The following SLC5A11 variants were observed in gnomAD, a reference collection of about 807,000 sequenced individuals.
SLC5A11 encodes solute carrier family 5 member 11, also known as sodium/myo-inositol cotransporter 2.
A neutral mutation model predicts 69.8 loss-of-function variants in SLC5A11; 48 were observed. The observed-to-expected ratio is 0.69, with a 90% CI of 0.55 to 0.87. SLC5A11 has a LOEUF of 0.87. Among genes scored for constraint, SLC5A11 ranks in the 40% least tolerant of loss-of-function variants. SLC5A11 has a pLI of 0.00. For missense variants in SLC5A11, 784 were observed against 866.1 expected (o/e 0.91, Z 1.19); for synonymous variants, 319 against 342.4 (o/e 0.93, Z 0.75).
intron 14 of SLC5A11, 95 bp downstream of exon 15, chr16:24,909,191 C>T: frequency 5.2e-6 from 7 of 1,338,788 alleles, no homozygotes; most frequent in Non-Finnish European, 7.3e-6. Flanking sequence ...GACTGATTGT[C>T]CAAAAAGCTG....
At chr16:24,864,902 CA>C (rs1045056031) in intron 3 of SLC5A11, among the ~76,000 whole-genome samples, 21 of 146,140 alleles carry the variant, frequency 1.4e-4, no homozygotes, top group Non-Finnish European at 2.3e-4. Flanking sequence ...TTTGAGCAGG[CA>C]AAAAAAATGA....
chr16:24,877,693 T>C (rs764060149), intron 7 of SLC5A11, among the ~76,000 whole-genome samples: 8 of 151,844 alleles, frequency 5.3e-5, no homozygotes, highest in Non-Finnish European at 7.4e-5. Flanking sequence ...CTACTAAAAA[T>C]AGAAAAATTA....
intron 3 of SLC5A11, 102 bp downstream of exon 4, chr16:24,862,774 G>A (rs377743998): frequency 1.2e-4 from 117 of 1,000,882 alleles, no homozygotes; most frequent in African/African-American, 5.2e-4. Flanking sequence ...GTCTCATGTC[G>A]TTTGGAAGTC....
chr16:24,879,639 A>G (rs1158839597), intron 7 of SLC5A11, among the ~76,000 whole-genome samples: 1 of 152,202 alleles, frequency 6.6e-6, no homozygotes, highest in Non-Finnish European at 1.5e-5. Flanking sequence ...TGGAAGGCTG[A>G]GGCAGGAGAA....
chr16:24,878,274 C>G (rs945002382), intron 7 of SLC5A11, among the ~76,000 whole-genome samples: 1 of 152,254 alleles, frequency 6.6e-6, no homozygotes, highest in Non-Finnish European at 1.5e-5. Context: ...TGTGCACTCA[C>G]AGGCACAATA....
intron 8 of SLC5A11, among the ~76,000 whole-genome samples, chr16:24,888,075 A>G (rs1021516629): frequency 2.6e-5 from 4 of 152,176 alleles, no homozygotes; most frequent in African/African-American, 9.7e-5. Flanking sequence ...TTCTCCTATC[A>G]TGAATGTATC....
At chr16:24,886,791 T>C (rs903052876) in intron 8 of SLC5A11, among the ~76,000 whole-genome samples, 5 of 151,404 alleles carry the variant, frequency 3.3e-5, no homozygotes, top group African/African-American at 1.2e-4. Context: ...CTATGAAAAA[T>C]GGAAAATTAG....
chr16:24,850,185 A>G (rs921313000), intron 1 of SLC5A11, among the ~76,000 whole-genome samples: 3 of 152,044 alleles, frequency 2.0e-5, no homozygotes, highest in African/African-American at 7.2e-5. Context: ...CCCGGCCTCA[A>G]GCGATCTTCA....
chr16:24,884,121 G>C, exon 8 of SLC5A11: 1 of 1,614,090 alleles, frequency 6.2e-7, no homozygotes, highest in Non-Finnish European at 8.5e-7. Context: ...CGCTCACCTT[G>C]ATGGGCTACA....
At chr16:24,850,679 T>C (rs1227485716) in intron 1 of SLC5A11, among the ~76,000 whole-genome samples, 2 of 152,160 alleles carry the variant, frequency 1.3e-5, no homozygotes, top group East Asian at 1.9e-4. Context: ...AGTGTGGCCT[T>C]AGACCCGGCC....
chr16:24,871,263 GTTTGT>G (rs910499966), intron 4 of SLC5A11, among the ~76,000 whole-genome samples: 2 of 151,808 alleles, frequency 1.3e-5, no homozygotes, highest in Admixed American at 6.6e-5. Flanking sequence ...ATTTCTGCTT[GTTTGT>G]TTTGTTTTGT....
intron 8 of SLC5A11, among the ~76,000 whole-genome samples, chr16:24,889,303 T>A: frequency 6.6e-6 from 1 of 151,998 alleles, no homozygotes; most frequent in East Asian, 1.9e-4. Flanking sequence ...GGCAACATAG[T>A]GAGATCCATC....
chr16:24,877,385 C>T (rs766027610), intron 7 of SLC5A11, 22 bp downstream of exon 8: 3 of 1,588,584 alleles, frequency 1.9e-6, no homozygotes, highest in East Asian at 4.5e-5. Flanking sequence ...CAAAGGGTAA[C>T]ACCTAGCAGA....
chr16:24,911,356 G>C (rs200475829), exon 16 of SLC5A11: 1 of 1,614,006 alleles, frequency 6.2e-7, no homozygotes, highest in African/African-American at 1.3e-5. Context: ...AGTCCAAAGT[G>C]GTGAAGGCCA....
chr16:24,877,374 A>G lies in SLC5A11; in HGVS notation c.583+11A>G. On this transcript the variant is annotated intron_variant, in intron 7 of 15. Transcript: ENST00000347898. ...TATACACGGTTGCTGGTAAGACTGA[A>G]CAAAGGGTAACACCTAGCAGAGGCA... 6.2e-7 allele frequency: 1 copy of G among 1,604,088 alleles called. No individual in the cohort carries two copies. Among genetic ancestry groups the G allele is most frequent in the Non-Finnish European group, 8.5e-7 (1 of 1,171,380 alleles).
chr16:24,849,994 G>A (rs1015677516), intron 1 of SLC5A11, among the ~76,000 whole-genome samples: 1 of 152,056 alleles, frequency 6.6e-6, no homozygotes, highest in African/African-American at 2.4e-5. Flanking sequence ...CTGGAGTGCA[G>A]TGGTGCAATC....
At chr16:24,865,279 G>A (rs966387855) in intron 3 of SLC5A11, among the ~76,000 whole-genome samples, 4 of 152,236 alleles carry the variant, frequency 2.6e-5, no homozygotes, top group East Asian at 3.9e-4. Context: ...GGAAGTCTTC[G>A]GCTGGGCACG....
At position 24,856,688 on chromosome 16, in the gene SLC5A11, G is replaced by A. The variant is rs1596984599; in HGVS notation, c.-24-1932G>A. ...CAGGAGGCTGAGGCAGGAGAATGGT[G>A]TGAACCGGGGAGGCAGAGCTTGTAG... On this transcript the variant is annotated intron_variant, in intron 1 of 15. Coordinates refer to ENST00000347898, the Ensembl canonical transcript of SLC5A11. Among the ~76,000 whole-genome samples, 4 of 150,338 alleles carry A rather than the reference G, an allele frequency of 2.7e-5. No individual in the cohort carries two copies. In the East Asian group the frequency reaches 7.9e-4, roughly 30 times the overall value.
At chr16:24,870,259 T>C (rs1184184622) in intron 4 of SLC5A11, among the ~76,000 whole-genome samples, 1 of 150,696 alleles carries the variant, frequency 6.6e-6, no homozygotes, top group African/African-American at 2.4e-5. Context: ...CCGAGTGTAA[T>C]GGCGGGCGCC....
Sources: gnomAD v4.1 joint callset for allele counts (sites outside exome capture counted in the v4.1 genomes callset) on GRCh38, gnomAD v4.1.1 for gene constraint, MANE v1.5 for transcripts, NCBI Gene and HGNC (gene_info 2026-07-23, HGNC 2026-07-21) for gene names.